EFCAB7: variants seen among roughly 807,000 people sequenced by gnomAD.
EFCAB7 encodes EF-hand calcium binding domain 7, also known as EF-hand calcium-binding domain-containing protein 7.
In EFCAB7, 66 loss-of-function variants were observed where a neutral mutation model predicts 77.1. The observed-to-expected ratio is 0.86, with a 90% CI of 0.70 to 1.05. EFCAB7 has a LOEUF of 1.05. EFCAB7 is among the 50% of genes least tolerant of loss of function. EFCAB7 has a pLI of 0.00. For missense variants in EFCAB7, 638 were observed against 730.5 expected, an observed-to-expected ratio of 0.87 and a Z score of 1.46; for synonymous variants, 225 against 243.3, an observed-to-expected ratio of 0.92 and a Z score of 0.70.
At position 63,551,764 on chromosome 1, in the gene EFCAB7, A is replaced by G. The variant is rs1646967929; in HGVS notation, c.986A>G (p.Tyr329Cys). The change falls in exon 8 of 14, where the codon TAT becomes TGT. Residue 329 changes from tyrosine (Y) to cysteine (C), a missense_variant. By Grantham distance (194) the Tyr-to-Cys change is radical. Transcript: ENST00000371088. ...TGGTTATCCGTTGATACTGCCTTGTATATTCTCAAGGAAAATGAGAGTCAA... is the reference window on the plus strand; with the variant it reads ...TGGTTATCCGTTGATACTGCCTTGTGTATTCTCAAGGAAAATGAGAGTCAA... ...SPWLSVDTAL[Y>C]ILKENESQAN... 3 of 1,588,846 alleles carry G rather than the reference A, an allele frequency of 1.9e-6. No homozygotes were observed. Among genetic ancestry groups the G allele is most frequent in the African/African-American group, 1.4e-5 (1 of 74,024 alleles).
chr1:63,528,417 AT>A (rs1043634911), intron 2 of EFCAB7, among the ~76,000 whole-genome samples: 9 of 152,150 alleles, frequency 5.9e-5, no homozygotes, highest in African/African-American at 2.2e-4. Context: ...GAGTAAAATG[AT>A]GGTTACCAGA....
chr1:63,547,811 G>A (rs1369037485), intron 7 of EFCAB7: 1 of 152,206 alleles, frequency 6.6e-6, no homozygotes, highest in African/African-American at 2.4e-5. Context: ...AGCCTCATAT[G>A]ATCTTTAATA....
At chr1:63,580,641 T>C in the EFCAB7 span, among the ~76,000 whole-genome samples, 2 of 152,322 alleles carry the variant, frequency 1.3e-5, no homozygotes, top group Admixed American at 6.5e-5. Flanking sequence ...TTAACTGGTA[T>C]TGTGTTAACT....
chr1:63,566,936 T>C (rs1016476007), intron 11 of EFCAB7, among the ~76,000 whole-genome samples: 5 of 151,120 alleles, frequency 3.3e-5, no homozygotes, highest in African/African-American at 1.2e-4. Context: ...AATTTCTGTT[T>C]ATAGTCTACT....
intron 10 of EFCAB7, among the ~76,000 whole-genome samples, chr1:63,560,785 G>T (rs1647089811): frequency 6.6e-6 from 1 of 152,140 alleles, no homozygotes; most frequent in Admixed American, 6.5e-5. Context: ...GCCTCCCAAA[G>T]TGCTGGGATT....
At chr1:63,554,795 A>G (rs1647010528) in intron 8 of EFCAB7, among the ~76,000 whole-genome samples, 1 of 152,242 alleles carries the variant, frequency 6.6e-6, no homozygotes, top group Non-Finnish European at 1.5e-5. Flanking sequence ...TTACATTAAA[A>G]AAAGTGAAGT....
intron 7 of EFCAB7, among the ~76,000 whole-genome samples, chr1:63,551,514 C>T (rs576723726): frequency 4.5e-4 from 68 of 151,940 alleles, no homozygotes; most frequent in Admixed American, 1.8e-3. Context: ...TCGCTTGAAC[C>T]CGGGAGGTGG....
At chr1:63,569,797 T>C (rs1412232246) in intron 12 of EFCAB7, 3 of 152,210 alleles carry the variant, frequency 2.0e-5, no homozygotes, top group Non-Finnish European at 4.4e-5. Flanking sequence ...ACCTAGTAGA[T>C]TGCAGTTTTC....
At chr1:63,573,364 C>G (rs1647322858), downstream of EFCAB7, among the ~76,000 whole-genome samples, 1 of 151,950 alleles carries the variant, frequency 6.6e-6, no homozygotes, top group Non-Finnish European at 1.5e-5. Context: ...GGATACAGTT[C>G]TGTATGAATT....
chr1:63,546,167 G>A lies in EFCAB7; in HGVS notation c.946+110G>A, dbSNP rs1254339286. 3.3e-6 allele frequency: 4 copies of A among 1,202,620 alleles called. No homozygotes were observed. The African/African-American group carries it at 6.2e-5, about 19-fold the overall frequency. The allele number at this position is 1,202,620 out of a possible 1,614,324, so 74.5% of individuals were successfully genotyped here. On this transcript the variant is annotated intron_variant, in intron 7 of 13. Transcript: ENST00000371088. ...TTAGGGAAGAAAATAATCTGCCTAA[G>A]TAAGAATTTATGGTTACATTTCAAG...
At chr1:63,576,580 G>A (rs1340369905), downstream of EFCAB7, among the ~76,000 whole-genome samples, 1 of 151,876 alleles carries the variant, frequency 6.6e-6, no homozygotes. Context: ...AGCACTTTGG[G>A]AGGCTGAGGT....
intron 12 of EFCAB7, chr1:63,570,696 TAAC>T (rs562270493): frequency 1.7e-4 from 29 of 166,300 alleles, no homozygotes; most frequent in Non-Finnish European, 3.6e-4. Context: ...AAACTAGAGA[TAAC>T]AACAAAAGAA....
At chr1:63,527,446 C>T (rs1366422121) in intron 2 of EFCAB7, among the ~76,000 whole-genome samples, 1 of 134,900 alleles carries the variant, frequency 7.4e-6, no homozygotes, top group Non-Finnish European at 1.6e-5. Flanking sequence ...CACTTATGTG[C>T]ATTTCCATTT....
chr1:63,564,494 A>G (rs1440870257), intron 11 of EFCAB7, among the ~76,000 whole-genome samples: 1 of 152,216 alleles, frequency 6.6e-6, no homozygotes, highest in African/African-American at 2.4e-5. Flanking sequence ...CTAGGAGTAC[A>G]GTGAACAAGG....
intron 11 of EFCAB7, 27 bp from the exon 12 acceptor site, chr1:63,568,283 T>TAG: frequency 6.4e-7 from 1 of 1,554,344 alleles, no homozygotes; most frequent in Non-Finnish European, 8.7e-7. Flanking sequence ...ATCAAAAGGC[T>TAG]GAAACAAGAT....
At chr1:63,530,253 C>A (rs576677357) in intron 2 of EFCAB7, among the ~76,000 whole-genome samples, 1 of 152,072 alleles carries the variant, frequency 6.6e-6, no homozygotes, top group Non-Finnish European at 1.5e-5. Flanking sequence ...TGTACAATAT[C>A]CAGATTATCA....
intron 11 of EFCAB7, among the ~76,000 whole-genome samples, chr1:63,563,019 G>T (rs1647127632): frequency 6.6e-6 from 1 of 151,952 alleles, no homozygotes; most frequent in Non-Finnish European, 1.5e-5. Context: ...GAATAGTTAT[G>T]GTAACTATTT....
At chr1:63,582,667 G>C in the EFCAB7 span, among the ~76,000 whole-genome samples, 6 of 152,162 alleles carry the variant, frequency 3.9e-5, no homozygotes, top group Admixed American at 2.0e-4. Context: ...GAATGCAGTG[G>C]TGCCATCTCA....
intron 9 of EFCAB7, among the ~76,000 whole-genome samples, 183 bp from the exon 10 acceptor site, chr1:63,556,931 G>T (rs985378739): frequency 1.3e-5 from 2 of 151,282 alleles, no homozygotes; most frequent in South Asian, 4.2e-4. Flanking sequence ...CCAGCTACTC[G>T]GGAGGCTGAG....
Sources: allele counts gnomAD v4.1 joint callset (sites outside exome capture counted in the v4.1 genomes callset), GRCh38; gene constraint gnomAD v4.1.1; transcripts MANE v1.5; gene names NCBI Gene and HGNC (gene_info 2026-07-23, HGNC 2026-07-21).